DOCK1: variants seen among roughly 807,000 people sequenced by gnomAD.
DOCK1 encodes the protein dedicator of cytokinesis protein 1.
In DOCK1, 138 loss-of-function variants were observed where a neutral mutation model predicts 262.7. That is an observed-to-expected ratio of 0.53 (90% CI 0.46 to 0.61). DOCK1 has a LOEUF of 0.61. Among genes scored for constraint, DOCK1 ranks in the 20% least tolerant of loss-of-function variants. The pLI, the probability that DOCK1 is intolerant of heterozygous loss-of-function variation, is 0.00. For missense variants in DOCK1, 1,908 were observed against 2,370.7 expected (o/e 0.80, Z 4.05); for synonymous variants, 866 against 867.4 (o/e 1.00, Z 0.03).
chr10:127,027,598 C>T (rs2042954629), intron 16 of DOCK1, among the ~76,000 whole-genome samples: 1 of 48,012 alleles, frequency 2.1e-5, no homozygotes, highest in African/African-American at 9.7e-5. Context: ...AAACAAAAAG[C>T]AAAACAAAAA....
intron 8 of DOCK1, 103 bp from the exon 9 acceptor site, chr10:126,999,251 G>A (rs1565047124): frequency 3.6e-6 from 3 of 823,592 alleles, no homozygotes; most frequent in Admixed American, 2.2e-5. Context: ...ATAGTTGTCT[G>A]TATAGTGCAC....
chr10:127,093,434 C>T (rs1312817338), intron 23 of DOCK1, among the ~76,000 whole-genome samples: 1 of 151,262 alleles, frequency 6.6e-6, no homozygotes, highest in Non-Finnish European at 1.5e-5. Context: ...TTACTGCAAA[C>T]CTCCACCTTC....
At chr10:126,999,284 C>G (rs2040419667) in intron 8 of DOCK1, 70 bp from the exon 9 acceptor site, 1 of 1,194,958 alleles carries the variant, frequency 8.4e-7, no homozygotes, top group Non-Finnish European at 1.2e-6. Context: ...AATTATGAAG[C>G]AATGTGGATG....
In DOCK1 at chr10:127,039,903, A is replaced by T. The variant is rs542638566; in HGVS notation, c.2010+2087A>T. On this transcript the variant is annotated intron_variant, in intron 19 of 51. Transcript: ENST00000623213. ...GAAATGGTGACTTTGGTGCCCTTGA[A>T]CATGGTCTTAGAGAGAGGGTGGGGT... Among the ~76,000 whole-genome samples, 3 of 152,324 alleles carry T rather than the reference A, an allele frequency of 2.0e-5. No individual in the cohort carries two copies. In the East Asian group the frequency reaches 5.8e-4, roughly 29 times the overall value.
chr10:127,353,875 C>T (rs998384508), intron 31 of DOCK1, among the ~76,000 whole-genome samples: 5 of 152,164 alleles, frequency 3.3e-5, no homozygotes, highest in Admixed American at 6.5e-5. Flanking sequence ...AACCACAGTG[C>T]GCTCTTCTGT....
rs545951315 is a variant in DOCK1, at chr10:127,384,681, A to T, written c.3808-109A>T. 6 of 1,290,548 alleles carry T rather than the reference A, an allele frequency of 4.6e-6. No individual in the cohort carries two copies. The East Asian group carries it at 1.2e-4, about 25-fold the overall frequency. 79.9% of individuals were successfully genotyped at this position (1,290,548 alleles called of 1,614,324 possible). On this transcript the variant is annotated intron_variant, in intron 37 of 51. Transcript: ENST00000623213. Reference sequence around the variant, plus strand: ...CCCAGCCTGTTGACAGCAGCCACACATGTCTCCAGAACCGCGGCCCACACG... The same window carrying T: ...CCCAGCCTGTTGACAGCAGCCACACTTGTCTCCAGAACCGCGGCCCACACG...
intron 46 of DOCK1, among the ~76,000 whole-genome samples, chr10:127,422,387 G>C (rs528375409): frequency 9.2e-5 from 14 of 151,886 alleles, no homozygotes; most frequent in African/African-American, 3.4e-4. Context: ...GGATGGTCTC[G>C]ATTTCTTGAC....
rs190979302 is a variant in DOCK1, at chr10:127,190,519, G to A, written c.2848-57489G>A. The stretch of plus-strand genomic sequence containing the variant: ...TATGCTTAGTCATTTAAGGATTTGC[G>A]CTGTGAATCGCTTCATCCAATTTCC... On this transcript the variant is annotated intron_variant, in intron 27 of 51. Coordinates refer to ENST00000623213, the MANE Select transcript of DOCK1 (RefSeq NM_001290223.2). Among the ~76,000 whole-genome samples the A allele has an allele frequency of 6.3e-3, 777 of 122,478 alleles. 8 individuals carry two copies. The highest frequency in any genetic ancestry group is 0.022 in the African/African-American group (724 of 32,736). The allele number at this position is 122,478 out of a possible 152,430, so 80.4% of individuals were successfully genotyped here. A position where few individuals can be genotyped will look rare whatever the true frequency, so the allele number is the denominator to read the frequency against.
chr10:127,332,233 G>A (rs1421789051), intron 29 of DOCK1, among the ~76,000 whole-genome samples: 1 of 152,166 alleles, frequency 6.6e-6, no homozygotes, highest in East Asian at 1.9e-4. Flanking sequence ...CGCACCCTGG[G>A]AATCCTCTGT....
chr10:127,091,562 C>T (rs756781756), intron 23 of DOCK1, among the ~76,000 whole-genome samples: 4 of 152,158 alleles, frequency 2.6e-5, no homozygotes, highest in Non-Finnish European at 5.9e-5. Context: ...AATCAAAGCT[C>T]ATGCTGTGTT....
intron 25 of DOCK1, among the ~76,000 whole-genome samples, chr10:127,121,226 CTTT>C (rs35938133): frequency 2.2e-5 from 3 of 136,128 alleles, no homozygotes; most frequent in African/African-American, 2.6e-5. Flanking sequence ...ACCCCTCCTC[CTTT>C]TTTTTTTTTT....
chr10:126,938,344 G>A (rs893551241), intron 1 of DOCK1, among the ~76,000 whole-genome samples: 3 of 152,258 alleles, frequency 2.0e-5, no homozygotes, highest in East Asian at 1.9e-4. Flanking sequence ...CACTGCGCCC[G>A]GCCTGGCTTC....
intron 35 of DOCK1, among the ~76,000 whole-genome samples, chr10:127,374,492 A>T (rs1284916618): frequency 1.3e-5 from 2 of 152,136 alleles, no homozygotes; most frequent in African/African-American, 4.8e-5. Flanking sequence ...GTAGTGCCTC[A>T]TGGATTACGG....
At position 127,264,813 on chromosome 10, in the gene DOCK1, A is replaced by T. The variant is rs114606278; in HGVS notation, c.3044+7384A>T. Reference sequence around the variant, plus strand: ...GTAGCTGGGACTACCGACACATACCACCGTGCCCAGCTAATTTTTTGTGGG... The same window carrying T: ...GTAGCTGGGACTACCGACACATACCTCCGTGCCCAGCTAATTTTTTGTGGG... On this transcript the variant is annotated intron_variant, in intron 29 of 51. Coordinates refer to ENST00000623213, the MANE Select transcript of DOCK1 (RefSeq NM_001290223.2). Among the ~76,000 whole-genome samples the T allele has an allele frequency of 6.0e-3, 916 of 152,062 alleles. 9 individuals are homozygous for T. Among genetic ancestry groups the T allele is most frequent in the African/African-American group, 0.021 (879 of 41,472 alleles).
intron 22 of DOCK1, 33 bp downstream of exon 22, chr10:127,052,848 CAG>C: frequency 1.3e-6 from 2 of 1,586,614 alleles, no homozygotes; most frequent in African/African-American, 1.3e-5. Flanking sequence ...CCCGGGCTCT[CAG>C]AGGACTGGCA....
intron 27 of DOCK1, among the ~76,000 whole-genome samples, chr10:127,147,433 C>T (rs963891614): frequency 6.6e-6 from 1 of 152,280 alleles, no homozygotes; most frequent in South Asian, 2.1e-4. Flanking sequence ...TTTGCCAGGT[C>T]GGGCACCCTG....
intron 27 of DOCK1, among the ~76,000 whole-genome samples, chr10:127,133,949 G>C (rs1303290198): frequency 6.6e-6 from 1 of 152,198 alleles, no homozygotes; most frequent in Non-Finnish European, 1.5e-5. Context: ...GCTGGTGTGG[G>C]AAGCAGCTGC....
chr10:127,214,906 C>G (rs760140056), intron 27 of DOCK1, among the ~76,000 whole-genome samples: 4 of 152,138 alleles, frequency 2.6e-5, no homozygotes, highest in African/African-American at 9.7e-5. Context: ...TAAACATATG[C>G]GTGTAGTTTC....
chr10:126,943,493 G>C (rs1413062915), intron 1 of DOCK1, among the ~76,000 whole-genome samples: 2 of 152,174 alleles, frequency 1.3e-5, no homozygotes, highest in Admixed American at 6.5e-5. Flanking sequence ...AAACGAGTAA[G>C]TGTATGTAAG....
Sources: allele counts gnomAD v4.1 joint callset (sites outside exome capture counted in the v4.1 genomes callset), GRCh38; gene constraint gnomAD v4.1.1; transcripts MANE v1.5; gene names NCBI Gene and HGNC (gene_info 2026-07-23, HGNC 2026-07-21).